Variants in SNRNP27 observed in about 807,000 individuals in gnomAD.
SNRNP27 encodes the protein small nuclear ribonucleoprotein U4/U6.U5 subunit 27.
SNRNP27 carries 22 observed loss-of-function variants against 25.1 expected under a neutral mutation model. That is an observed-to-expected ratio of 0.88 (90% CI 0.63 to 1.25). The LOEUF (loss-of-function observed/expected upper bound fraction) is 1.25. Among genes scored for constraint, SNRNP27 ranks in the 50% most tolerant of loss-of-function variants. The pLI, the probability that SNRNP27 is intolerant of heterozygous loss-of-function variation, is 0.00. For missense variants in SNRNP27, 150 were observed against 202.3 expected (o/e 0.74, Z 1.57); for synonymous variants, 66 against 64.9 (o/e 1.02, Z -0.08).
chr2:69,895,213 C>T lies in SNRNP27; in HGVS notation c.154C>T (p.Arg52Ter). The T allele has an allele frequency of 1.9e-6, 3 of 1,613,314 alleles. No individual in the cohort carries two copies. Among genetic ancestry groups the T allele is most frequent in the Non-Finnish European group, 2.5e-6 (3 of 1,179,778 alleles). The change falls in exon 2 of 6, where the codon CGA becomes TGA. Residue 52 changes from arginine (R) to a stop codon, truncating the protein, a stop_gained and splice_region_variant. Transcript: ENST00000244227. LOFTEE classifies it high-confidence loss of function. The stretch of plus-strand genomic sequence containing the variant: ...GCGATCCCCGCACCGAAGACGCTCC[C>T]GGTAAGGGCAGAAAATAAGCCAAGA... Reference protein sequence around the residue: ...RSRSPHRRRSRSPRRHRSTSP... With the variant: ...RSRSPHRRRS
chr2:69,898,682 A>G (rs1676641707), intron 4 of SNRNP27, among the ~76,000 whole-genome samples: 2 of 152,108 alleles, frequency 1.3e-5, no homozygotes, highest in African/African-American at 4.8e-5. Flanking sequence ...CACATGTTTT[A>G]AAATGACAGT....
chr2:69,899,841 G>A (rs184996403), intron 4 of SNRNP27, among the ~76,000 whole-genome samples: 2 of 152,146 alleles, frequency 1.3e-5, no homozygotes, highest in Non-Finnish European at 2.9e-5. Flanking sequence ...CAATTTCCCT[G>A]CCTTAGCCTC....
intron 4 of SNRNP27, among the ~76,000 whole-genome samples, chr2:69,898,662 G>T (rs1318595179): frequency 1.3e-5 from 2 of 152,164 alleles, no homozygotes; most frequent in Non-Finnish European, 2.9e-5. Context: ...TAATGTGACT[G>T]TGTAGGGCTC....
At chr2:69,897,591 A>C (rs2104116253) in intron 4 of SNRNP27, 135 bp downstream of exon 4, 1 of 693,032 alleles carries the variant, frequency 1.4e-6, no homozygotes, top group East Asian at 2.7e-5. Context: ...TTGAGAATAC[A>C]AAGGAGGAAA....
chr2:69,903,390 T>A, intron 5 of SNRNP27, 145 bp downstream of exon 5: 1 of 660,496 alleles, frequency 1.5e-6, no homozygotes, highest in Non-Finnish European at 2.6e-6. Flanking sequence ...GCTTATATTC[T>A]GGTGTGTTAA....
In SNRNP27 at chr2:69,904,011, CAA is replaced by C. The variant is rs575580421; in HGVS notation, c.414-241_414-240del. 4.2e-3 allele frequency among the ~76,000 whole-genome samples: 643 copies of C among 151,968 alleles called. 6 individuals carry two copies. The highest frequency in any genetic ancestry group is 0.013 in the African/African-American group (551 of 41,498). On this transcript the variant is annotated intron_variant, in intron 5 of 5. Coordinates refer to ENST00000244227, the MANE Select transcript of SNRNP27 (RefSeq NM_006857.3). ...TTTTTTTTAAGTCTGTAAATCTTCT[CAA>C]ATAATTTCAAAATTAAACTTCAATA...
At chr2:69,904,115 A>C (rs1676753840) in intron 5 of SNRNP27, 139 bp from the exon 6 acceptor site, 1 of 510,204 alleles carries the variant, frequency 2.0e-6, no homozygotes, top group South Asian at 3.9e-5. Context: ...ATATACATTA[A>C]ATTACCTTGA....
At chr2:69,902,459 C>T (rs1025882349) in intron 4 of SNRNP27, among the ~76,000 whole-genome samples, 14 of 152,058 alleles carry the variant, frequency 9.2e-5, no homozygotes, top group Non-Finnish European at 1.9e-4. Flanking sequence ...CTTGCTTCTT[C>T]TTCGGCTTCT....
At chr2:69,897,738 G>A (rs1676629620) in intron 4 of SNRNP27, 4 of 343,804 alleles carry the variant, frequency 1.2e-5, no homozygotes, top group Non-Finnish European at 2.2e-5. Context: ...TCATGAAAAT[G>A]CCATGTAGGT....
chr2:69,903,147 GT>G, intron 4 of SNRNP27, 33 bp from the exon 5 acceptor site: 1 of 1,551,168 alleles, frequency 6.4e-7, no homozygotes, highest in Non-Finnish European at 8.9e-7. Flanking sequence ...TATCCTTCCT[GT>G]TTTTTGTCTG....
At position 69,894,011 on chromosome 2, in the gene SNRNP27, A is replaced by C; in HGVS notation, c.27A>C (p.Pro9=). The C allele has an allele frequency of 6.2e-7, 1 of 1,613,894 alleles. No individual in the cohort carries two copies. Among genetic ancestry groups the C allele is most frequent in the Non-Finnish European group, 8.5e-7 (1 of 1,179,840 alleles). ...TGGGTCGCAGTCGCAGCCGCTCTCC[A>C]CGGAGGGGTGAGTCCTGTAGCAATT... The part of the protein sequence containing the change: MGRSRSRS[P]RRERRRSRST... Residue 9 remains proline (P), a synonymous_variant, in exon 1 of 6, where the codon CCA becomes CCC. Transcript: ENST00000244227.
At chr2:69,899,136 T>A (rs1676649814) in intron 4 of SNRNP27, among the ~76,000 whole-genome samples, 1 of 152,158 alleles carries the variant, frequency 6.6e-6, no homozygotes, top group Non-Finnish European at 1.5e-5. Flanking sequence ...GATGTTTGCT[T>A]ATAAAGGAAA....
chr2:69,901,172 C>CAAAA (rs944057272), intron 4 of SNRNP27, among the ~76,000 whole-genome samples: 2 of 112,690 alleles, frequency 1.8e-5, no homozygotes, highest in African/African-American at 3.6e-5. Flanking sequence ...GTCTCCATTT[C>CAAAA]AAAAAAAAAA....
rs1056899104 is a variant in SNRNP27, at chr2:69,903,096, C to T, written c.349-85C>T. 14 of 1,056,810 alleles carry T rather than the reference C, an allele frequency of 1.3e-5. No homozygotes were observed. The African/African-American group carries it at 2.0e-4, about 15-fold the overall frequency. The allele number at this position is 1,056,810 out of a possible 1,614,324, so 65.5% of individuals were successfully genotyped here. A position where few individuals can be genotyped will look rare whatever the true frequency, so the allele number is the denominator to read the frequency against. On this transcript the variant is annotated intron_variant, in intron 4 of 5. Coordinates refer to ENST00000244227, the MANE Select transcript of SNRNP27 (RefSeq NM_006857.3). ...AAGTAGCTGGGAGTACAGGTACATG[C>T]CACTGCCACCACACCTGCTTTCATG...
At chr2:69,904,188 G>GT (rs35836496) in intron 5 of SNRNP27, 66 bp from the exon 6 acceptor site, 259,462 of 880,492 alleles carry the variant, frequency 0.29, 13,169 homozygotes, top group African/African-American at 0.46. Flanking sequence ...TCTGATGCAT[G>GT]TTTTTTTTTT....
intron 4 of SNRNP27, chr2:69,897,688 A>ACCCCGTCTCTACT: frequency 2.2e-6 from 1 of 448,092 alleles, no homozygotes; most frequent in Non-Finnish European, 4.0e-6. Flanking sequence ...GTGATCAGAC[A>ACCCCGTCTCTACT]AAGAAGAGGA....
intron 4 of SNRNP27, among the ~76,000 whole-genome samples, chr2:69,898,776 C>T (rs1410635192): frequency 3.3e-5 from 5 of 152,140 alleles, no homozygotes; most frequent in Non-Finnish European, 7.3e-5. Flanking sequence ...GTTATGTGAG[C>T]TCTGTTTTGG....
At chr2:69,897,146 T>A (rs1340507465) in intron 3 of SNRNP27, among the ~76,000 whole-genome samples, 2 of 151,824 alleles carry the variant, frequency 1.3e-5, no homozygotes, top group Non-Finnish European at 2.9e-5. Flanking sequence ...GGTTTTTTTT[T>A]AAAAGGTAAT....
chr2:69,902,833 C>G (rs968937583), intron 4 of SNRNP27, among the ~76,000 whole-genome samples: 1 of 151,604 alleles, frequency 6.6e-6, no homozygotes, highest in Admixed American at 6.6e-5. Context: ...CTGCCGCTGC[C>G]GCTTCTTCTG....
Sources: allele counts gnomAD v4.1 joint callset (sites outside exome capture counted in the v4.1 genomes callset), GRCh38; gene constraint gnomAD v4.1.1; transcripts MANE v1.5; gene names NCBI Gene and HGNC (gene_info 2026-07-23, HGNC 2026-07-21).